ATF7IP: variants seen among roughly 807,000 people sequenced by gnomAD.
The protein encoded by ATF7IP is activating transcription factor 7 interacting protein.
ATF7IP carries 23 observed loss-of-function variants against 106.4 expected under a neutral mutation model. The observed-to-expected ratio is 0.22, with a 90% CI of 0.16 to 0.31. The LOEUF (loss-of-function observed/expected upper bound fraction) is 0.31, where lower values mean the gene tolerates loss of function less well. Ranked by LOEUF, ATF7IP falls within the 10% of genes least tolerant of loss-of-function variation. ATF7IP has a pLI of 1.00. For synonymous variants in ATF7IP, 542 were observed against 539.0 expected, an observed-to-expected ratio of 1.01 and a Z score of -0.08; for missense variants, 1,334 against 1,524.3, an observed-to-expected ratio of 0.88 and a Z score of 2.08.
At chr12:14,392,536 T>C (rs1354409699) in intron 1 of ATF7IP, among the ~76,000 whole-genome samples, 1 of 152,244 alleles carries the variant, frequency 6.6e-6, no homozygotes, top group African/African-American at 2.4e-5. Flanking sequence ...ATGCACCTAT[T>C]ATTTGCCAGG....
At chr12:14,398,402 T>G (rs1166556248) in intron 1 of ATF7IP, among the ~76,000 whole-genome samples, 1 of 151,604 alleles carries the variant, frequency 6.6e-6, no homozygotes, top group Non-Finnish European at 1.5e-5. Context: ...TTTTTTTATT[T>G]ATAAGGAGAT....
intron 13 of ATF7IP, among the ~76,000 whole-genome samples, chr12:14,490,222 C>T (rs1944766576): frequency 1.3e-5 from 2 of 152,326 alleles, no homozygotes; most frequent in Middle Eastern, 6.8e-3. Flanking sequence ...CGAATGGTGT[C>T]CACAGAACGG....
chr12:14,463,342 G>T (rs1790762173), intron 9 of ATF7IP, among the ~76,000 whole-genome samples: 1 of 152,036 alleles, frequency 6.6e-6, no homozygotes, highest in Admixed American at 6.5e-5. Flanking sequence ...TGAGGTAAAT[G>T]TCCTAAGGGC....
intron 13 of ATF7IP, among the ~76,000 whole-genome samples, chr12:14,488,525 A>C (rs1944702121): frequency 1.3e-5 from 2 of 152,112 alleles, no homozygotes; most frequent in African/African-American, 4.8e-5. Context: ...TGAAGGGTGG[A>C]TCTGCCTTCC....
Position 14,414,947 on chromosome 12 carries a change from T to C in ATF7IP, c.-7-8962T>C, listed in dbSNP as rs565301402. ...TCTACTGCTGGTTATTTATTTATTT[T>C]TTTAATGAGACCTGGTCTTGCTGTG... On this transcript the variant is annotated intron_variant, in intron 1 of 14. Coordinates refer to ENST00000261168, the MANE Select transcript of ATF7IP (RefSeq NM_018179.5). Among the ~76,000 whole-genome samples the C allele has an allele frequency of 9.8e-5, 15 of 152,318 alleles. No homozygotes were observed. The South Asian group carries it at 3.1e-3, about 32-fold the overall frequency.
rs1402543824 is a variant in ATF7IP, at chr12:14,494,303, A to ATG, written c.3281-1927_3281-1926insGT. Among the ~76,000 whole-genome samples, 369 of 80,608 alleles carry ATG rather than the reference A, an allele frequency of 4.6e-3. 12 individuals carry two copies. The highest frequency in any genetic ancestry group is 0.022 in the African/African-American group (361 of 16,190). 52.9% of individuals were successfully genotyped at this position (80,608 alleles called of 152,430 possible). A position where few individuals can be genotyped will look rare whatever the true frequency, so the allele number is the denominator to read the frequency against. ...TAATAGAATATATATATATATATATATATATATATATATATATATATATAT... is the reference window on the plus strand; with the variant it reads ...TAATAGAATATATATATATATATATATGTATATATATATATATATATATATAT... On this transcript the variant is annotated intron_variant, in intron 13 of 14. Coordinates refer to ENST00000261168, the MANE Select transcript of ATF7IP (RefSeq NM_018179.5).
At chr12:14,452,325 T>C (rs1312248954) in intron 6 of ATF7IP, among the ~76,000 whole-genome samples, 2 of 152,212 alleles carry the variant, frequency 1.3e-5, no homozygotes, top group East Asian at 3.8e-4. Context: ...TGGAGAATTT[T>C]ATCCATTTGC....
rs1459794587 is a variant in ATF7IP at position 14,470,152 on chromosome 12, G to C, written c.2862+3562G>C. On this transcript the variant is annotated intron_variant, in intron 10 of 14. Coordinates refer to ENST00000261168, the MANE Select transcript of ATF7IP (RefSeq NM_018179.5). ...AATTATGGGTCCAAGTTCCCTTGGA[G>C]AGATGTGCAAGGAATGAACAACCAG... Among the ~76,000 whole-genome samples, 4 of 152,204 alleles carry C rather than the reference G, an allele frequency of 2.6e-5. No individual in the cohort carries two copies. In the South Asian group the frequency reaches 8.3e-4, roughly 31 times the overall value.
chr12:14,405,832 G>A (rs1355421331), intron 1 of ATF7IP, among the ~76,000 whole-genome samples: 1 of 152,060 alleles, frequency 6.6e-6, no homozygotes, highest in Non-Finnish European at 1.5e-5. Context: ...CTATTCTAAG[G>A]CATTTTAGTT....
intron 9 of ATF7IP, among the ~76,000 whole-genome samples, chr12:14,463,664 A>G (rs1005705811): frequency 2.6e-5 from 4 of 152,176 alleles, no homozygotes; most frequent in Non-Finnish European, 5.9e-5. Context: ...TGTGACATCC[A>G]TGAACCCTGG....
At chr12:14,437,179 A>G (rs1235510620) in intron 4 of ATF7IP, among the ~76,000 whole-genome samples, 1 of 152,222 alleles carries the variant, frequency 6.6e-6, no homozygotes, top group Non-Finnish European at 1.5e-5. Context: ...TGTGTTCACA[A>G]ATGTTTTTAC....
At chr12:14,383,413 A>G (rs1301684200) in intron 1 of ATF7IP, among the ~76,000 whole-genome samples, 1 of 152,166 alleles carries the variant, frequency 6.6e-6, no homozygotes, top group African/African-American at 2.4e-5. Context: ...AGAATGTAAG[A>G]AAGTGTTCAT....
intron 1 of ATF7IP, among the ~76,000 whole-genome samples, chr12:14,378,729 G>A (rs939461864): frequency 3.3e-5 from 5 of 152,144 alleles, no homozygotes; most frequent in Non-Finnish European, 5.9e-5. Flanking sequence ...TGAAAATCAT[G>A]ACCCATTCCC....
chr12:14,446,095 T>A (rs1164727176), intron 5 of ATF7IP, among the ~76,000 whole-genome samples: 1 of 152,108 alleles, frequency 6.6e-6, no homozygotes, highest in Non-Finnish European at 1.5e-5. Context: ...CAACAAATGA[T>A]TAATAATCTC....
intron 9 of ATF7IP, 161 bp from the exon 10 acceptor site, chr12:14,466,365 A>G (rs1943831984): frequency 1.6e-6 from 1 of 638,050 alleles, no homozygotes; most frequent in South Asian, 1.9e-5. Flanking sequence ...GGTATCTGAA[A>G]GATACTATAG....
intron 1 of ATF7IP, among the ~76,000 whole-genome samples, chr12:14,399,125 A>T (rs1176906403): frequency 6.6e-6 from 1 of 151,942 alleles, no homozygotes; most frequent in Non-Finnish European, 1.5e-5. Context: ...TGTTTTTTGG[A>T]GCTTTGCTAA....
At chr12:14,485,202 TG>T (rs1273265913) in intron 13 of ATF7IP, among the ~76,000 whole-genome samples, 1 of 152,102 alleles carries the variant, frequency 6.6e-6, no homozygotes, top group Non-Finnish European at 1.5e-5. Context: ...TCTCCTGTTC[TG>T]GACCGCACTC....
intron 2 of ATF7IP, 122 bp downstream of exon 2, chr12:14,425,595 C>T: frequency 9.4e-6 from 9 of 956,854 alleles, no homozygotes; most frequent in Non-Finnish European, 1.3e-5. Context: ...GGTGATGACT[C>T]TATAGAAAGA....
At position 14,492,558 on chromosome 12, in the gene ATF7IP, C is replaced by T. The variant is rs143794181; in HGVS notation, c.3281-3673C>T. On this transcript the variant is annotated intron_variant, in intron 13 of 14. Transcript: ENST00000261168. ...TTCTGTTTTTATTATTCAATTTAGT[C>T]TTTTGTCCATTTGACCTAGAAGCTT... 1.8e-4 allele frequency among the ~76,000 whole-genome samples: 27 copies of T among 152,198 alleles called. 1 individual carries two copies. The East Asian group carries it at 5.2e-3, about 29-fold the overall frequency.
Sources: allele counts gnomAD v4.1 joint callset (sites outside exome capture counted in the v4.1 genomes callset), GRCh38; gene constraint gnomAD v4.1.1; transcripts MANE v1.5; gene names NCBI Gene and HGNC (gene_info 2026-07-23, HGNC 2026-07-21).